Variants in TBX1 observed in about 807,000 individuals in gnomAD.
TBX1 encodes T-box transcription factor 1.
TBX1 carries 16 observed loss-of-function variants against 40.8 expected under a neutral mutation model. The observed-to-expected ratio is 0.39, with a 90% CI of 0.27 to 0.60. TBX1 has a LOEUF of 0.60. TBX1 is among the 20% of genes least tolerant of loss of function. The pLI is 0.51. For missense variants in TBX1, 755 were observed against 728.5 expected (o/e 1.04, Z -0.42); for synonymous variants, 403 against 336.8 (o/e 1.20, Z -2.15).
downstream of TBX1, among the ~76,000 whole-genome samples, chr22:19,770,024 T>G (rs1936962239): frequency 6.6e-6 from 1 of 152,198 alleles, no homozygotes; most frequent in East Asian, 1.9e-4. Flanking sequence ...CAGTATGGTG[T>G]AGGGGATAGG....
intron 8 of TBX1, among the ~76,000 whole-genome samples, chr22:19,775,356 A>G (rs1472283289): frequency 6.6e-6 from 1 of 152,164 alleles, no homozygotes; most frequent in African/African-American, 2.4e-5. Context: ...CAGCCTCCCA[A>G]AGTGCTGGGA....
At chr22:19,775,089 G>GT (rs1464471604) in intron 8 of TBX1, among the ~76,000 whole-genome samples, 4 of 150,498 alleles carry the variant, frequency 2.7e-5, no homozygotes, top group Non-Finnish European at 5.9e-5. Flanking sequence ...AAATTTGTGG[G>GT]TTTTTTGGTT....
At chr22:19,781,407 T>C (rs973640446), downstream of TBX1, among the ~76,000 whole-genome samples, 5 of 152,164 alleles carry the variant, frequency 3.3e-5, no homozygotes, top group Admixed American at 6.5e-5. Context: ...TTTGTTGTTG[T>C]TGAGTTTTAG....
intron 2 of TBX1, chr22:19,763,822 G>C (rs1936745139): frequency 2.0e-6 from 1 of 494,528 alleles, no homozygotes; most frequent in Admixed American, 3.5e-5. Context: ...TGTGCCTGAG[G>C]CCCGGCAAGG....
downstream of TBX1, among the ~76,000 whole-genome samples, chr22:19,770,737 G>A (rs139605652): frequency 1.1e-4 from 16 of 152,158 alleles, no homozygotes; most frequent in African/African-American, 1.9e-4. Context: ...CAGGTGTGCC[G>A]CAGATCAAAG....
At chr22:19,764,823 C>CT (rs1163856707) in intron 3 of TBX1, 135 bp from the exon 4 acceptor site, 15 of 1,103,888 alleles carry the variant, frequency 1.4e-5, no homozygotes, top group Non-Finnish European at 2.0e-5. Flanking sequence ...CCAGCCTCAT[C>CT]TTGGAATTAA....
chr22:19,783,061 T>C (rs185505580), downstream of TBX1: 66 of 807,318 alleles, frequency 8.2e-5, no homozygotes, highest in East Asian at 1.4e-3. Flanking sequence ...GCCCAGCCCC[T>C]GAATGAAGCC....
At chr22:19,767,858 G>A (rs868640871), downstream of TBX1, among the ~76,000 whole-genome samples, 2 of 152,344 alleles carry the variant, frequency 1.3e-5, no homozygotes, top group South Asian at 2.1e-4. Context: ...TGTTCTGCTA[G>A]CATTTCCCCT....
Position 19,761,112 on chromosome 22 carries a change from GCGC to G in TBX1, c.278_280del (p.Ala93del). 1 of 1,240,250 alleles carries G rather than the reference GCGC, an allele frequency of 8.1e-7. No individual in the cohort carries two copies. The allele number at this position is 1,240,250 out of a possible 1,614,324, so 76.8% of individuals were successfully genotyped here. A position where few individuals can be genotyped will look rare whatever the true frequency, so the allele number is the denominator to read the frequency against. On this transcript the variant is annotated inframe_deletion, in exon 1 of 7. Transcript: ENST00000649276. ...GCGCCGGCCGCCGGGGCCGCCACCA[GCGC>G]CGCCGCCGAGCCCGAGGGCCCCGGG...
chr22:19,772,260 G>A (rs1463334577), downstream of TBX1, among the ~76,000 whole-genome samples: 2 of 151,726 alleles, frequency 1.3e-5, no homozygotes, highest in Non-Finnish European at 2.9e-5. Context: ...CCGCCACCAC[G>A]CCCGGCTAAT....
At chr22:19,768,950 A>ATTATTTTTTTTTTTTTT (rs1601297935), downstream of TBX1, among the ~76,000 whole-genome samples, 1 of 70,726 alleles carries the variant, frequency 1.4e-5, no homozygotes, top group Admixed American at 1.7e-4. Context: ...GGCTGTTCGC[A>ATTATTTTTTTTTTTTTT]TTCTTTTTTT....
At chr22:19,772,802 G>A (rs1601301855) in intron 8 of TBX1, among the ~76,000 whole-genome samples, 1 of 152,202 alleles carries the variant, frequency 6.6e-6, no homozygotes. Flanking sequence ...GCTGTGGTTT[G>A]GACCTTCAGC....
chr22:19,763,726 G>GT, intron 2 of TBX1: 1 of 399,796 alleles, frequency 2.5e-6, no homozygotes, highest in Non-Finnish European at 4.6e-6. Flanking sequence ...GGCCGGAAAG[G>GT]TGGGGTGGCC....
upstream of TBX1, among the ~76,000 whole-genome samples, chr22:19,760,131 A>G (rs899876185): frequency 1.3e-5 from 2 of 152,084 alleles, no homozygotes; most frequent in Non-Finnish European, 2.9e-5. Flanking sequence ...AAAAAGCAAG[A>G]GCGAAAGAGA....
downstream of TBX1, among the ~76,000 whole-genome samples, chr22:19,768,356 T>G (rs1936925787): frequency 6.6e-6 from 1 of 152,192 alleles, no homozygotes; most frequent in African/African-American, 2.4e-5. Context: ...ATGTTTGCTC[T>G]GGCGGCGTGA....
chr22:19,766,678 G>C lies in TBX1; in HGVS notation c.1326G>C (p.Pro442=). The change falls in exon 7 of 7, where the codon CCG becomes CCC. Residue 442 remains proline, a synonymous_variant. Transcript: ENST00000649276. ...ACTATCTCGGGGCCAAGAGCCGGCC[G>C]GCGCCCTACCCGCTGCCCGGCCTGC... is the stretch of plus-strand genomic sequence containing the variant. ...YDHYLGAKSR[P]APYPLPGLRG... The C allele has an allele frequency of 6.5e-7, 1 of 1,549,394 alleles. No individual in the cohort carries two copies. The highest frequency in any genetic ancestry group is 8.6e-7 in the Non-Finnish European group (1 of 1,156,366).
chr22:19,767,031 C>T lies in TBX1; in HGVS notation c.*164C>T. 2 of 1,347,444 alleles carry T rather than the reference C, an allele frequency of 1.5e-6. No individual in the cohort carries two copies. The highest frequency in any genetic ancestry group is 1.8e-5 in the South Asian group (1 of 56,344). 83.5% of individuals were successfully genotyped at this position (1,347,444 alleles called of 1,614,324 possible). A position where few individuals can be genotyped will look rare whatever the true frequency, so the allele number is the denominator to read the frequency against. On this transcript the variant is annotated 3_prime_UTR_variant, in exon 7 of 7. Coordinates refer to ENST00000649276, the MANE Select transcript of TBX1 (RefSeq NM_001379200.1). ...CGAAGCCATGGGGGCCCCCTCGCCA[C>T]CCCCAGCCCCTTGGGCTATCGAAGT...
intron 3 of TBX1, 55 bp downstream of exon 3, chr22:19,764,381 C>T: frequency 6.6e-7 from 1 of 1,523,456 alleles, no homozygotes; most frequent in Non-Finnish European, 8.8e-7. Context: ...AGTCCCGAGG[C>T]ACCCGCCTGT....
At position 19,766,020 on chromosome 22, in the gene TBX1, G is replaced by C. The variant is rs2145837264; in HGVS notation, c.1036+18G>C. ...GGAGAAAGGTAGGGCCGGGGTCGTG[G>C]GATCCGGGTTCCGGCCCTGTGCGCG... On this transcript the variant is annotated intron_variant, in intron 6 of 6. Transcript: ENST00000649276. The C allele has an allele frequency of 6.7e-7, 1 of 1,488,968 alleles. No homozygotes were observed. The highest frequency in any genetic ancestry group is 8.9e-7 in the Non-Finnish European group (1 of 1,126,026). 92.2% of individuals were successfully genotyped at this position (1,488,968 alleles called of 1,614,324 possible).
Sources: gnomAD v4.1 joint callset for allele counts (sites outside exome capture counted in the v4.1 genomes callset) on GRCh38, gnomAD v4.1.1 for gene constraint, MANE v1.5 for transcripts, NCBI Gene and HGNC (gene_info 2026-07-23, HGNC 2026-07-21) for gene names.